TTN: variants seen among roughly 807,000 people sequenced by gnomAD.
The protein encoded by TTN is connectin.
A neutral mutation model predicts 3,223.0 loss-of-function variants in TTN; 1,525 were observed. That is an observed-to-expected ratio of 0.47 (90% confidence interval 0.45 to 0.49). The LOEUF is 0.49. TTN is among the 20% of genes least tolerant of loss of function. TTN has a pLI of 0.00. For missense variants in TTN, 40,786 were observed against 43,424.0 expected (o/e 0.94, Z 5.40); for synonymous variants, 14,094 against 15,161.0 (o/e 0.93, Z 5.17).
chr2:178,719,256 CTCAGAT>C lies in TTN; in HGVS notation c.24128_24133del (p.Asn8043_Leu8044del), dbSNP rs1448514419. The C allele has an allele frequency of 6.2e-7, 1 of 1,613,636 alleles. No homozygotes were observed. Among genetic ancestry groups the C allele is most frequent in the African/African-American group, 1.3e-5 (1 of 74,880 alleles). ...GCCTGTGTCGGAGGGCTCCAACAAG[CTCAGAT>C]TCAAAGTACAGACGTTTTCCGAAAA... On this transcript the variant is annotated inframe_deletion, in exon 83 of 363. Transcript: ENST00000589042.
rs1449860548 is a variant in TTN at position 178,554,755 on chromosome 2, A to G, written c.88595-3T>C. ...TCCACCAGGTGGGCCTGGTTTGTCT[A>G]TCAGTGAAAGGACAAAACACGATGT... is the stretch of plus-strand genomic sequence containing the variant. On this transcript the variant is annotated splice_polypyrimidine_tract_variant and splice_region_variant and intron_variant, in intron 331 of 362. Transcript: ENST00000589042. 1.9e-6 allele frequency: 3 copies of G among 1,613,260 alleles called. No individual in the cohort carries two copies. The highest frequency in any genetic ancestry group is 1.3e-5 in the African/African-American group (1 of 74,976).
At chr2:178,674,971 C>T in intron 150 of TTN, 68 bp downstream of exon 150, 1 of 936,994 alleles carries the variant, frequency 1.1e-6, no homozygotes, top group Non-Finnish European at 1.5e-6. Context: ...CATTTACCTA[C>T]TTCAAATATT....
At position 178,631,236 on chromosome 2, in the gene TTN, A is replaced by G. The variant is rs2154220272; in HGVS notation, c.43812T>C (p.Ile14604=). ...DYTGVEKDEV[I]LQCEISKADA... The stretch of plus-strand genomic sequence containing the variant: ...CTGCTTTGCTAATTTCACACTGTAG[A>G]ATAACTTCATCTTTCTCTACACCAG... Residue 14604 remains isoleucine (I), a synonymous_variant, in exon 237 of 363, where the codon ATT becomes ATC. Transcript: ENST00000589042. 1 of 1,612,756 alleles carries G rather than the reference A, an allele frequency of 6.2e-7. No individual in the cohort carries two copies. Among genetic ancestry groups the G allele is most frequent in the Non-Finnish European group, 8.5e-7 (1 of 1,179,444 alleles).
chr2:178,730,616 T>A lies in TTN; in HGVS notation c.17917A>T (p.Thr5973Ser). Residue 5973 changes from threonine (T) to serine (S), a missense_variant, in exon 61 of 363, where the codon ACT (threonine) becomes TCT (serine). Transcript: ENST00000589042. ...EKYKFSFHDN[T>S]AFLEISQLEG... is the part of the protein sequence containing the mutation. ...AGCTGGCTGATTTCCAAGAAGGCAG[T>A]ATTGTCATGAAAAGAGAATTTGTAC... 1 of 1,613,692 alleles carries A rather than the reference T, an allele frequency of 6.2e-7. No individual in the cohort carries two copies. The highest frequency in any genetic ancestry group is 1.1e-5 in the South Asian group (1 of 91,080).
rs1289827097 is a variant in TTN, at chr2:178,712,004, T to C, written c.27826A>G (p.Ile9276Val). 2 of 1,613,574 alleles carry C rather than the reference T, an allele frequency of 1.2e-6. No homozygotes were observed. The highest frequency in any genetic ancestry group is 1.1e-5 in the South Asian group (1 of 90,970). ...QVDINDSGEY[I>V]CKAENSVGEV... ...CCCACGCTGTTTTCAGCTTTGCAGA[T>C]ATATTCTCCACTATCATTAATATCA... The change falls in exon 96 of 363, where the codon ATC (isoleucine) becomes GTC (valine). Residue 9276 changes from isoleucine (I) to valine (V), a missense_variant. Transcript: ENST00000589042.
In TTN at chr2:178,588,214, G is replaced by C; in HGVS notation, c.63193C>G (p.Pro21065Ala). 6.4e-7 allele frequency: 1 copy of C among 1,565,456 alleles called. No individual in the cohort carries two copies. The highest frequency in any genetic ancestry group is 8.7e-7 in the Non-Finnish European group (1 of 1,152,920). The change falls in exon 305 of 363, where the codon CCT becomes GCT. Residue 21065 changes from proline to alanine, a missense_variant. Transcript: ENST00000589042. ...PVVAKDPIEP[P>A]GPPTNFRVVD... ...ACTCTGAAATTGGTTGGTGGACCAG[G>C]TGGCTCTGAAAGTAAAATATACATA...
At position 178,774,988 on chromosome 2, in the gene TTN, A is replaced by G; in HGVS notation, c.6723T>C (p.Ala2241=). 1 of 1,614,044 alleles carries G rather than the reference A, an allele frequency of 6.2e-7. No homozygotes were observed. The highest frequency in any genetic ancestry group is 1.1e-5 in the South Asian group (1 of 91,080). The change falls in exon 29 of 363, where the codon GCT becomes GCC. Residue 2241 remains alanine, a synonymous_variant. Coordinates refer to ENST00000589042, the MANE Select transcript of TTN (RefSeq NM_001267550.2). ...LSILTIDTSD[A]EDYSCVLVED... ...CCACAAGTACACAGCTGTAATCTTC[A>G]GCATCAGACGTATCAATGGTCAGTA...
intron 47 of TTN, 106 bp from the exon 48 acceptor site, chr2:178,742,027 C>T: frequency 2.3e-6 from 2 of 861,822 alleles, no homozygotes; most frequent in Non-Finnish European, 3.1e-6. Flanking sequence ...TGCTTTATTC[C>T]TGGAATGATT....
rs1403010122 is a variant in TTN at position 178,592,866 on chromosome 2, T to C, written c.59253A>G (p.Gln19751=). The C allele has an allele frequency of 3.1e-6, 5 of 1,613,506 alleles. No homozygotes were observed. Among genetic ancestry groups the C allele is most frequent in the Non-Finnish European group, 3.4e-6 (4 of 1,179,606 alleles). ...KYKVTGLRDG[Q]TYKFRVLAVN... is the part of the protein sequence containing the mutation. The stretch of plus-strand genomic sequence containing the variant: ...CTGCTAACACTCTAAACTTATAGGT[T>C]TGACCGTCCCGAAGACCGGTGACTT... Residue 19751 remains glutamine (Q), a synonymous_variant, in exon 300 of 363, where the codon CAA becomes CAG. Coordinates refer to ENST00000589042, the MANE Select transcript of TTN (RefSeq NM_001267550.2).
intron 240 of TTN, among the ~76,000 whole-genome samples, chr2:178,628,984 C>T (rs2059434581): frequency 6.6e-6 from 1 of 152,106 alleles, no homozygotes; most frequent in Non-Finnish European, 1.5e-5. Context: ...ATCAGAAAGC[C>T]TTTTTGATCC....
At position 178,595,826 on chromosome 2, in the gene TTN, A is replaced by G. The variant is rs1434370082; in HGVS notation, c.57545-17T>C. 3.2e-6 allele frequency: 5 copies of G among 1,570,408 alleles called. No homozygotes were observed. In the African/African-American group the frequency reaches 6.8e-5, roughly 21 times the overall value. ...CTGGAACATCTGGAAATAAGAAGAA[A>G]ATAATTCAAGCTGTTTGCCTTCAAT... On this transcript the variant is annotated splice_polypyrimidine_tract_variant and intron_variant, in intron 294 of 362. Coordinates refer to ENST00000589042, the MANE Select transcript of TTN (RefSeq NM_001267550.2).
In TTN at chr2:178,560,449, A is replaced by G; in HGVS notation, c.85683T>C (p.Ser28561=). ...PSPPTSLEIT[S]VTKESMTLCW... is the part of the protein sequence containing the mutation. The stretch of plus-strand genomic sequence containing the variant: ...AAAGTGTCATAGATTCTTTGGTCAC[A>G]GAAGTAATTTCCAAAGACGTGGGTG... The change falls in exon 326 of 363, where the codon TCT becomes TCC. Residue 28561 remains serine (S), a synonymous_variant. Transcript: ENST00000589042. 1 of 1,613,596 alleles carries G rather than the reference A, an allele frequency of 6.2e-7. No individual in the cohort carries two copies. Among genetic ancestry groups the G allele is most frequent in the Admixed American group, 1.7e-5 (1 of 59,984 alleles).
At chr2:178,554,843 G>T (rs1421152641) in intron 331 of TTN, 22 bp downstream of exon 331, 1 of 1,613,404 alleles carries the variant, frequency 6.2e-7, no homozygotes, top group Non-Finnish European at 8.5e-7. Context: ...TAATATGACA[G>T]TGGTCTGTAT....
intron 283 of TTN, 56 bp downstream of exon 283, chr2:178,602,226 A>C: frequency 6.3e-7 from 1 of 1,595,770 alleles, no homozygotes; most frequent in South Asian, 1.1e-5. Flanking sequence ...CAGTAAATTA[A>C]TCAATTTCAT....
chr2:178,549,100 C>T lies in TTN; in HGVS notation c.92526G>A (p.Trp30842Ter), dbSNP rs2154147893. ...TGCCACCATCAAACACTGGTTTGGACCATTCTAAGCTCACAGTTGTCTTTG... is the reference window on the plus strand; with the variant it reads ...TGCCACCATCAAACACTGGTTTGGATCATTCTAAGCTCACAGTTGTCTTTG... The part of the protein sequence containing the change: ...DTSKTTVSLE[W>*]SKPVFDGGME... The change falls in exon 339 of 363, where the codon TGG becomes TGA. Residue 30842 changes from tryptophan to a stop codon, truncating the protein, a stop_gained. Transcript: ENST00000589042. LOFTEE classifies it high-confidence loss of function. 6.2e-7 allele frequency: 1 copy of T among 1,613,868 alleles called. No individual in the cohort carries two copies. Among genetic ancestry groups the T allele is most frequent in the Non-Finnish European group, 8.5e-7 (1 of 1,179,830 alleles).
chr2:178,784,382 C>T (rs142850756), intron 15 of TTN, 31 bp from the exon 16 acceptor site: 8 of 1,612,128 alleles, frequency 5.0e-6, no homozygotes, highest in Non-Finnish European at 5.9e-6. Context: ...AAAATAAAGT[C>T]ATTTAACCAT....
intron 304 of TTN, 63 bp from the exon 305 acceptor site, chr2:178,588,282 T>C: frequency 7.1e-7 from 1 of 1,406,314 alleles, no homozygotes; most frequent in Admixed American, 2.6e-5. Context: ...TAATTTTATA[T>C]AGCCTATTCT....
Position 178,731,536 on chromosome 2 carries a change from C to G in TTN, c.17230G>C (p.Gly5744Arg). 6.2e-7 allele frequency: 1 copy of G among 1,612,832 alleles called. No individual in the cohort carries two copies. Among genetic ancestry groups the G allele is most frequent in the Non-Finnish European group, 8.5e-7 (1 of 1,179,298 alleles). The change falls in exon 59 of 363, where the codon GGA becomes CGA. Residue 5744 changes from glycine (G) to arginine (R), a missense_variant. Transcript: ENST00000589042. Reference protein sequence around the residue: ...KKIESTSSLRGGTAAFQATLK... With the variant: ...KKIESTSSLRRGTAAFQATLK... ...GTGGCCTGGAAGGCAGCTGTGCCTC[C>G]CCGGAGGGAGCTGGTACTCTCGATC...
At chr2:178,609,638 T>C (rs1186655849) in intron 272 of TTN, 46 bp downstream of exon 272, 4 of 1,551,526 alleles carry the variant, frequency 2.6e-6, no homozygotes, top group Non-Finnish European at 3.5e-6. Flanking sequence ...ATTATTTTCA[T>C]TTATTTCAAA....
Sources: gnomAD v4.1 joint callset for allele counts (sites outside exome capture counted in the v4.1 genomes callset) on GRCh38, gnomAD v4.1.1 for gene constraint, MANE v1.5 for transcripts, NCBI Gene and HGNC (gene_info 2026-07-23, HGNC 2026-07-21) for gene names.